Variants in DPPA2 observed in about 807,000 individuals in gnomAD.
The protein encoded by DPPA2 is developmental pluripotency-associated protein 2.
Under a neutral mutation model 36.2 loss-of-function variants are expected in DPPA2, and 26 were observed. The observed-to-expected ratio is 0.72, with a 90% CI of 0.53 to 1.00. The LOEUF (loss-of-function observed/expected upper bound fraction) is 1.00, where lower values mean the gene tolerates loss of function less well. DPPA2 is among the 50% of genes least tolerant of loss of function. The pLI is 0.00. For synonymous variants in DPPA2, 113 were observed against 123.2 expected (o/e 0.92, Z 0.55); for missense variants, 361 against 365.1 (o/e 0.99, Z 0.09).
intron 7 of DPPA2, among the ~76,000 whole-genome samples, chr3:109,303,919 C>A (rs115824101): frequency 6.6e-6 from 1 of 151,570 alleles, no homozygotes; most frequent in African/African-American, 2.4e-5. Flanking sequence ...GGTGGATGTC[C>A]TGAGGTCAGG....
At chr3:109,309,354 T>C (rs1707653134) in intron 3 of DPPA2, 24 bp from the exon 4 acceptor site, 1 of 1,611,268 alleles carries the variant, frequency 6.2e-7, no homozygotes, top group Non-Finnish European at 8.5e-7. Flanking sequence ...GGAACCAAAG[T>C]AGTAATAATT....
At chr3:109,315,866 G>A (rs925064963) in intron 1 of DPPA2, among the ~76,000 whole-genome samples, 2 of 151,504 alleles carry the variant, frequency 1.3e-5, no homozygotes, top group Admixed American at 1.3e-4. Context: ...TCATCTCTAT[G>A]AATAAATAAA....
chr3:109,310,591 C>T (rs77946715), intron 3 of DPPA2, among the ~76,000 whole-genome samples: 6 of 151,298 alleles, frequency 4.0e-5, no homozygotes, highest in South Asian at 2.1e-4. Context: ...CTGCAACCTC[C>T]GCCTCCTAGG....
intron 2 of DPPA2, among the ~76,000 whole-genome samples, chr3:109,313,121 A>C (rs1707737567): frequency 6.6e-6 from 1 of 152,204 alleles, no homozygotes; most frequent in Non-Finnish European, 1.5e-5. Context: ...ACCTCCTGTT[A>C]TCCCCAAATC....
chr3:109,314,965 G>C (rs564488883), intron 1 of DPPA2, among the ~76,000 whole-genome samples: 1 of 152,244 alleles, frequency 6.6e-6, no homozygotes, highest in East Asian at 1.9e-4. Context: ...ACTCGGGAGG[G>C]GTTGGTGGGA....
chr3:109,298,907 A>C (rs1707407354), intron 8 of DPPA2, among the ~76,000 whole-genome samples: 1 of 151,872 alleles, frequency 6.6e-6, no homozygotes, highest in African/African-American at 2.4e-5. Context: ...TTAGCTGGGC[A>C]TTATGGTGTG....
intron 7 of DPPA2, among the ~76,000 whole-genome samples, chr3:109,301,035 G>A (rs1707449100): frequency 6.7e-6 from 1 of 149,356 alleles, no homozygotes; most frequent in Admixed American, 6.7e-5. Context: ...CCAGGCTGGA[G>A]TGCAGTGGCA....
At chr3:109,304,337 C>A in intron 7 of DPPA2, 138 bp downstream of exon 7, 1 of 802,474 alleles carries the variant, frequency 1.2e-6, no homozygotes, top group Non-Finnish European at 1.9e-6. Flanking sequence ...CTTCTTGCAT[C>A]CTATTTTTGC....
At position 109,309,063 on chromosome 3, in the gene DPPA2, A is replaced by G. The variant is rs1326452573; in HGVS notation, c.359T>C (p.Leu120Pro). Reference sequence around the variant, plus strand: ...AGGGTAAGCATGCCTATGAAGCCTCAGATAAACTTCGATTTTCTTAGGAAA... The same window carrying G: ...AGGGTAAGCATGCCTATGAAGCCTCGGATAAACTTCGATTTTCTTAGGAAA... ...STNGKKIEVY[L>P]RLHRHAYPEQ... is the part of the protein sequence containing the mutation. Residue 120 changes from leucine (L) to proline (P), a missense_variant, in exon 5 of 9, where the codon CTG becomes CCG. Physicochemically the swap from Leu to Pro is moderately conservative, Grantham distance 98 (BLOSUM62 -3). Coordinates refer to ENST00000478945, the MANE Select transcript of DPPA2 (RefSeq NM_138815.4). 2 of 1,614,204 alleles carry G rather than the reference A, an allele frequency of 1.2e-6. No individual in the cohort carries two copies. The highest frequency in any genetic ancestry group is 1.7e-5 in the Admixed American group (1 of 60,018).
chr3:109,314,760 A>G (rs929462229), intron 1 of DPPA2, among the ~76,000 whole-genome samples: 6 of 152,128 alleles, frequency 3.9e-5, no homozygotes, highest in African/African-American at 1.4e-4. Flanking sequence ...CCATTCAGTG[A>G]CAATGTTTTT....
At chr3:109,299,530 T>C (rs531500155) in intron 8 of DPPA2, among the ~76,000 whole-genome samples, 1 of 149,208 alleles carries the variant, frequency 6.7e-6, no homozygotes, top group South Asian at 2.1e-4. Context: ...AAAAATAAAA[T>C]AAAAATTTAG....
In DPPA2 at chr3:109,309,340, G is replaced by C. The variant is rs765311315; in HGVS notation, c.182-10C>G. On this transcript the variant is annotated splice_polypyrimidine_tract_variant and intron_variant, in intron 3 of 8. Coordinates refer to ENST00000478945, the MANE Select transcript of DPPA2 (RefSeq NM_138815.4). ...GTTTGAAGTAGATGACCTAAGACAAGAATGGAACCAAAGTAGTAATAATTT... is the reference window on the plus strand; with the variant it reads ...GTTTGAAGTAGATGACCTAAGACAACAATGGAACCAAAGTAGTAATAATTT... The C allele has an allele frequency of 1.2e-6, 2 of 1,613,524 alleles. No homozygotes were observed. Among genetic ancestry groups the C allele is most frequent in the Admixed American group, 1.7e-5 (1 of 59,952 alleles).
Position 109,308,066 on chromosome 3 carries a change from A to G in DPPA2, c.624T>C (p.Pro208=), listed in dbSNP as rs776177213. 2.7e-5 allele frequency: 44 copies of G among 1,614,126 alleles called. No individual in the cohort carries two copies. The highest frequency in any genetic ancestry group is 3.7e-5 in the Non-Finnish European group (44 of 1,180,044). Residue 208 remains proline, a synonymous_variant, in exon 6 of 9, where the codon CCT becomes CCC. Coordinates refer to ENST00000478945, the MANE Select transcript of DPPA2 (RefSeq NM_138815.4). ...QPKALNSCSI[P]VSVEAFLMQA... ...GCATCAAAAAGGCCTCAACAGAAAC[A>G]GGAATGGAACATGAATTCAAAGCCT...
At chr3:109,295,952 A>G (rs1707344882) in intron 8 of DPPA2, among the ~76,000 whole-genome samples, 1 of 152,202 alleles carries the variant, frequency 6.6e-6, no homozygotes, top group African/African-American at 2.4e-5. Flanking sequence ...ACTGCCAACA[A>G]AAGAATCAGA....
intron 8 of DPPA2, among the ~76,000 whole-genome samples, chr3:109,295,943 C>A (rs1317717042): frequency 6.6e-6 from 1 of 152,114 alleles, no homozygotes; most frequent in Non-Finnish European, 1.5e-5. Flanking sequence ...TATAGCTGGA[C>A]TGCCAACAAA....
intron 7 of DPPA2, among the ~76,000 whole-genome samples, chr3:109,303,358 T>C (rs892671924): frequency 7.9e-5 from 12 of 151,980 alleles, no homozygotes; most frequent in African/African-American, 2.7e-4. Flanking sequence ...TATATTTTCA[T>C]AGCTTTTCTT....
At chr3:109,304,230 G>A (rs1416070232) in intron 7 of DPPA2, among the ~76,000 whole-genome samples, 1 of 151,548 alleles carries the variant, frequency 6.6e-6, no homozygotes, top group Non-Finnish European at 1.5e-5. Context: ...CTGAGATCAT[G>A]CCACTGCACT....
chr3:109,309,336 A>G lies in DPPA2; in HGVS notation c.182-6T>C, dbSNP rs1707652868. ...ATTTGTTTGAAGTAGATGACCTAAG[A>G]CAAGAATGGAACCAAAGTAGTAATA... On this transcript the variant is annotated splice_polypyrimidine_tract_variant and splice_region_variant and intron_variant, in intron 3 of 8. Transcript: ENST00000478945. The G allele has an allele frequency of 1.9e-6, 3 of 1,613,816 alleles. No individual in the cohort carries two copies. Among genetic ancestry groups the G allele is most frequent in the Non-Finnish European group, 2.5e-6 (3 of 1,179,776 alleles).
chr3:109,308,270 C>G lies in DPPA2; in HGVS notation c.420G>C (p.Glu140Asp). The G allele has an allele frequency of 6.2e-7, 1 of 1,614,194 alleles. No individual in the cohort carries two copies. The highest frequency in any genetic ancestry group is 8.5e-7 in the Non-Finnish European group (1 of 1,180,044). Residue 140 changes from glutamate (E) to aspartate (D), a missense_variant, in exon 6 of 9, where the codon GAG (glutamate) becomes GAC (aspartate). By Grantham distance (45) the Glu-to-Asp change is conservative. Transcript: ENST00000478945. ...TCCTCGAACATCGCTGTAATCTGGT[C>G]TCTTGTGACATTTCAGGCATATCCT... Reference protein sequence around the residue: ...QRQDMPEMSQETRLQRCSRKR... With the variant: ...QRQDMPEMSQDTRLQRCSRKR...
Sources: gnomAD v4.1 joint callset for allele counts (sites outside exome capture counted in the v4.1 genomes callset) on GRCh38, gnomAD v4.1.1 for gene constraint, MANE v1.5 for transcripts, NCBI Gene and HGNC (gene_info 2026-07-23, HGNC 2026-07-21) for gene names.